The following ATP13A5 variants were observed in gnomAD, a reference collection of about 807,000 sequenced individuals.
The protein encoded by ATP13A5 is ATPase 13A5.
Under a neutral mutation model 150.2 loss-of-function variants are expected in ATP13A5, and 149 were observed. The observed-to-expected ratio is 0.99, with a 90% CI of 0.87 to 1.14. ATP13A5 has a LOEUF of 1.14. Ranked by LOEUF, ATP13A5 falls within the 50% of genes most tolerant of loss-of-function variation. The probability of loss-of-function intolerance (pLI) is 0.00; values close to 1 mark genes in which losing one functional copy is unlikely to be tolerated. For missense variants in ATP13A5, 1,383 were observed against 1,449.3 expected (o/e 0.95, Z 0.74); for synonymous variants, 497 against 522.2 (o/e 0.95, Z 0.66).
chr3:193,368,302 G>A (rs1350135007), intron 1 of ATP13A5, among the ~76,000 whole-genome samples: 5 of 151,718 alleles, frequency 3.3e-5, no homozygotes, highest in Non-Finnish European at 4.4e-5. Flanking sequence ...ACATATCATC[G>A]CCAAGAGAAA....
chr3:193,306,996 C>A, intron 22 of ATP13A5: 1 of 615,378 alleles, frequency 1.6e-6, no homozygotes, highest in Non-Finnish European at 2.0e-6. Flanking sequence ...AAGAAATCAC[C>A]TCCTTGAGAA....
chr3:193,349,635 A>G (rs1362531696), intron 7 of ATP13A5, among the ~76,000 whole-genome samples: 5 of 152,162 alleles, frequency 3.3e-5, no homozygotes, highest in Non-Finnish European at 5.9e-5. Flanking sequence ...ACACTATTAG[A>G]CAACAAAAAG....
intron 9 of ATP13A5, among the ~76,000 whole-genome samples, chr3:193,335,867 G>A (rs1414896953): frequency 6.6e-6 from 1 of 151,756 alleles, no homozygotes; most frequent in African/African-American, 2.4e-5. Context: ...ATTCTTTGCA[G>A]GTAGCAATTT....
chr3:193,327,009 T>C lies in ATP13A5; in HGVS notation c.1510A>G (p.Thr504Ala), dbSNP rs746196656. ...DGLDLWGTVP[T>A]ADNCFQEAHS... ...TAAGAGGCCTACCAGTTGTCAGCAGTAGGGACAGTCCCCCAGAGGTCCAGC... is the reference window on the plus strand; with the variant it reads ...TAAGAGGCCTACCAGTTGTCAGCAGCAGGGACAGTCCCCCAGAGGTCCAGC... The change falls in exon 13 of 30, where the codon ACT (threonine) becomes GCT (alanine). Residue 504 changes from threonine to alanine, a missense_variant. By Grantham distance (58) the Thr-to-Ala change is moderately conservative (BLOSUM62 0). Transcript: ENST00000342358. The C allele has an allele frequency of 1.2e-6, 2 of 1,613,824 alleles. No homozygotes were observed. The highest frequency in any genetic ancestry group is 2.7e-5 in the African/African-American group (2 of 74,938).
intron 5 of ATP13A5, among the ~76,000 whole-genome samples, chr3:193,360,731 C>T (rs1372302780): frequency 2.0e-5 from 3 of 152,086 alleles, no homozygotes; most frequent in Non-Finnish European, 2.9e-5. Context: ...GGCTAAAGTA[C>T]AGTGGCATGA....
At chr3:193,362,309 C>T in intron 5 of ATP13A5, 72 bp downstream of exon 5, 2 of 1,310,868 alleles carry the variant, frequency 1.5e-6, no homozygotes, top group Non-Finnish European at 2.2e-6. Flanking sequence ...CAACAATGCA[C>T]TGATGATAAC....
chr3:193,279,906 T>C (rs891911408), intron 27 of ATP13A5, among the ~76,000 whole-genome samples: 18 of 135,442 alleles, frequency 1.3e-4, no homozygotes, highest in African/African-American at 4.6e-4. Flanking sequence ...TTATGGGCAA[T>C]TGGAAAGGTA....
chr3:193,373,308 T>A (rs1560155441), intron 1 of ATP13A5, among the ~76,000 whole-genome samples: 1 of 152,096 alleles, frequency 6.6e-6, no homozygotes, highest in Non-Finnish European at 1.5e-5. Flanking sequence ...CAGCTAATTT[T>A]TTTTCTTTTA....
chr3:193,343,504 T>C (rs1712207100), intron 9 of ATP13A5, among the ~76,000 whole-genome samples: 2 of 152,130 alleles, frequency 1.3e-5, no homozygotes, highest in Admixed American at 6.6e-5. Context: ...ATCTACAGAG[T>C]GCAGGGTTGG....
rs1717651961 is a variant in ATP13A5 at position 193,284,902 on chromosome 3, TTATA to T, written c.3226+8_3226+11del. ...AATATTCAGAAAGAAAAATTAAACT[TTATA>T]TACTTACAGTTTGTATAGATGGGTT... On this transcript the variant is annotated splice_region_variant and intron_variant, in intron 27 of 29. Coordinates refer to ENST00000342358, the MANE Select transcript of ATP13A5 (RefSeq NM_198505.4). 1.3e-6 allele frequency: 2 copies of T among 1,595,438 alleles called. No homozygotes were observed. The highest frequency in any genetic ancestry group is 1.3e-5 in the African/African-American group (1 of 74,152).
intron 2 of ATP13A5, among the ~76,000 whole-genome samples, 161 bp downstream of exon 2, chr3:193,363,946 A>G (rs979427905): frequency 1.3e-5 from 2 of 152,160 alleles, no homozygotes; most frequent in African/African-American, 4.8e-5. Context: ...TGGATTGCAG[A>G]GGTAATTTTG....
chr3:193,290,578 A>T (rs1234613364), intron 25 of ATP13A5, among the ~76,000 whole-genome samples: 2 of 152,198 alleles, frequency 1.3e-5, no homozygotes, highest in Non-Finnish European at 2.9e-5. Flanking sequence ...ACTGTGATAG[A>T]TGCTAGAGAT....
chr3:193,299,556 T>C (rs1718322207), intron 24 of ATP13A5, among the ~76,000 whole-genome samples: 1 of 152,162 alleles, frequency 6.6e-6, no homozygotes, highest in African/African-American at 2.4e-5. Flanking sequence ...ATACTTAAAA[T>C]TTGAAGTGAA....
chr3:193,304,454 G>C (rs1384490444), intron 23 of ATP13A5, among the ~76,000 whole-genome samples: 1 of 152,152 alleles, frequency 6.6e-6, no homozygotes, highest in Non-Finnish European at 1.5e-5. Context: ...CCAGTGACCT[G>C]TTTATTCTGA....
At position 193,321,719 on chromosome 3, in the gene ATP13A5, G is replaced by C; in HGVS notation, c.1877C>G (p.Ala626Gly). The change falls in exon 16 of 30, where the codon GCC becomes GGC. Residue 626 changes from alanine to glycine, a missense_variant. Physicochemically the swap from Ala to Gly is moderately conservative, Grantham distance 60. Transcript: ENST00000342358. ...GCAGAACCTGGCCACCATTTCTGGG[G>C]CACCTTTCATGTAGACATGGAAATG... The part of the protein sequence containing the change: ...ENHFHVYMKG[A>G]PEMVARFCRS... The C allele has an allele frequency of 6.2e-7, 1 of 1,614,152 alleles. No individual in the cohort carries two copies. The highest frequency in any genetic ancestry group is 8.5e-7 in the Non-Finnish European group (1 of 1,180,016).
chr3:193,281,166 T>C, intron 27 of ATP13A5: 1 of 985,096 alleles, frequency 1.0e-6, no homozygotes, highest in Non-Finnish European at 1.2e-6. Flanking sequence ...AGGAAATAGC[T>C]GTGTGGATTT....
At chr3:193,314,723 G>A (rs1718982320) in intron 18 of ATP13A5, among the ~76,000 whole-genome samples, 2 of 152,158 alleles carry the variant, frequency 1.3e-5, no homozygotes, top group African/African-American at 4.8e-5. Context: ...GAGCCTTGAG[G>A]CACCGCACAG....
intron 25 of ATP13A5, among the ~76,000 whole-genome samples, chr3:193,291,373 T>G (rs1331583678): frequency 6.6e-6 from 1 of 152,084 alleles, no homozygotes; most frequent in Admixed American, 6.6e-5. Flanking sequence ...GATTGTGTAA[T>G]AAAGAAGCTG....
intron 1 of ATP13A5, among the ~76,000 whole-genome samples, chr3:193,372,998 G>T (rs1236660840): frequency 2.0e-5 from 3 of 152,104 alleles, no homozygotes; most frequent in Non-Finnish European, 4.4e-5. Context: ...CTGACTTTCA[G>T]TTTCAATTTT....
Sources: gnomAD v4.1 joint callset for allele counts (sites outside exome capture counted in the v4.1 genomes callset) on GRCh38, gnomAD v4.1.1 for gene constraint, MANE v1.5 for transcripts, NCBI Gene and HGNC (gene_info 2026-07-23, HGNC 2026-07-21) for gene names.